The following SDC2 variants were observed in gnomAD, a reference collection of about 807,000 sequenced individuals.
SDC2 encodes syndecan 2, also known as syndecan-2.
SDC2 carries 13 observed loss-of-function variants against 22.2 expected under a neutral mutation model. That is an observed-to-expected ratio of 0.59 (90% CI 0.38 to 0.93). SDC2 has a LOEUF of 0.93. Ranked by LOEUF, SDC2 falls within the 40% of genes least tolerant of loss-of-function variation. SDC2 has a pLI of 0.00. For missense variants in SDC2, 235 were observed against 246.8 expected, an observed-to-expected ratio of 0.95 and a Z score of 0.32; for synonymous variants, 94 against 92.8, an observed-to-expected ratio of 1.01 and a Z score of -0.07.
intron 4 of SDC2, among the ~76,000 whole-genome samples, 181 bp downstream of exon 4, chr8:96,608,651 C>T (rs567469819): frequency 6.6e-6 from 1 of 152,350 alleles, no homozygotes; most frequent in South Asian, 2.1e-4. Context: ...TGTCTGCCAG[C>T]TCCCTCAACC....
intron 1 of SDC2, among the ~76,000 whole-genome samples, chr8:96,528,577 AC>A (rs1350033847): frequency 1.3e-5 from 2 of 152,208 alleles, no homozygotes; most frequent in African/African-American, 4.8e-5. Flanking sequence ...GGGGAAACTT[AC>A]TATTTAAAGA....
At chr8:96,607,549 G>A (rs1446372623) in intron 3 of SDC2, among the ~76,000 whole-genome samples, 2 of 151,328 alleles carry the variant, frequency 1.3e-5, no homozygotes, top group Non-Finnish European at 3.0e-5. Context: ...TAGACTTGAC[G>A]AGTAGAGTTA....
Position 96,609,874 on chromosome 8 carries a change from T to G in SDC2, c.*326T>G, listed in dbSNP as rs1815147543. 1 of 174,338 alleles carries G rather than the reference T, an allele frequency of 5.7e-6. No individual in the cohort carries two copies. The highest frequency in any genetic ancestry group is 2.4e-5 in the African/African-American group (1 of 42,354). 10.8% of individuals were successfully genotyped at this position (174,338 alleles called of 1,614,324 possible). A position where few individuals can be genotyped will look rare whatever the true frequency, so the allele number is the denominator to read the frequency against. ...CTATGACTCAAAGATGAAAGCTGTT[T>G]CATTTGTGTCAGCATGTCTCAGATT... is the stretch of plus-strand genomic sequence containing the variant. On this transcript the variant is annotated 3_prime_UTR_variant, in exon 5 of 5. Coordinates refer to ENST00000302190, the MANE Select transcript of SDC2 (RefSeq NM_002998.4).
At chr8:96,496,061 A>C (rs1330572362) in intron 1 of SDC2, among the ~76,000 whole-genome samples, 1 of 152,182 alleles carries the variant, frequency 6.6e-6, no homozygotes, top group Non-Finnish European at 1.5e-5. Context: ...TCATCTAATA[A>C]ATTTCAAGAG....
In SDC2 at chr8:96,505,175, C is replaced by G. The variant is rs182616916; in HGVS notation, c.60+10844C>G. ...GTATTTCCCCTGTCACCCATATTTC[C>G]TGAATAATACTTAGCTAAAACTTGC... On this transcript the variant is annotated intron_variant, in intron 1 of 4. Transcript: ENST00000302190. Among the ~76,000 whole-genome samples, 11 of 152,242 alleles carry G rather than the reference C, an allele frequency of 7.2e-5. 1 individual carries two copies. Among genetic ancestry groups the G allele is most frequent in the Admixed American group, 7.2e-4 (11 of 15,286 alleles).
intron 1 of SDC2, among the ~76,000 whole-genome samples, chr8:96,517,059 C>T (rs1813412430): frequency 1.3e-5 from 2 of 152,188 alleles, no homozygotes; most frequent in East Asian, 3.8e-4. Context: ...ACATTCCCAC[C>T]AGCAGTGCAC....
intron 1 of SDC2, among the ~76,000 whole-genome samples, chr8:96,534,403 G>C (rs1408992472): frequency 6.6e-6 from 1 of 152,200 alleles, no homozygotes; most frequent in Non-Finnish European, 1.5e-5. Flanking sequence ...TCTTGTGGTG[G>C]CACATTTGAG....
chr8:96,573,427 C>A (rs1262536300), intron 1 of SDC2, among the ~76,000 whole-genome samples: 2 of 63,224 alleles, frequency 3.2e-5, no homozygotes, highest in Non-Finnish European at 7.6e-5. Context: ...GGCTCAGGTT[C>A]CACCGTTGCA....
At chr8:96,551,567 C>T (rs2130538704) in intron 1 of SDC2, among the ~76,000 whole-genome samples, 1 of 152,288 alleles carries the variant, frequency 6.6e-6, no homozygotes, top group Middle Eastern at 3.4e-3. Flanking sequence ...TCCAGTGGAA[C>T]CTGGAATAAC....
chr8:96,516,975 C>T (rs951362055), intron 1 of SDC2, among the ~76,000 whole-genome samples: 6 of 152,096 alleles, frequency 3.9e-5, no homozygotes, highest in Non-Finnish European at 8.8e-5. Flanking sequence ...AGTGGAATTT[C>T]TGGGTGATAT....
intron 1 of SDC2, among the ~76,000 whole-genome samples, chr8:96,501,761 T>C (rs1006014984): frequency 6.6e-6 from 1 of 152,176 alleles, no homozygotes; most frequent in African/African-American, 2.4e-5. Context: ...ATCTCTAAAA[T>C]GATGGAGTTG....
intron 1 of SDC2, among the ~76,000 whole-genome samples, chr8:96,581,186 G>C (rs1377780498): frequency 5.3e-5 from 8 of 152,132 alleles, no homozygotes; most frequent in Admixed American, 1.3e-4. Flanking sequence ...TCATTCGGGG[G>C]CAAAAAATAA....
At chr8:96,500,306 C>T (rs57487381) in intron 1 of SDC2, among the ~76,000 whole-genome samples, 3,744 of 151,998 alleles carry the variant, frequency 0.025, 138 homozygotes, top group African/African-American at 0.085. Flanking sequence ...AATGAGGTGG[C>T]AGGGGTAGTG....
At chr8:96,532,205 C>T (rs73273548) in intron 1 of SDC2, among the ~76,000 whole-genome samples, 2 of 152,026 alleles carry the variant, frequency 1.3e-5, no homozygotes, top group Non-Finnish European at 2.9e-5. Flanking sequence ...GAATGTGGGC[C>T]GTTTTCATCA....
chr8:96,553,559 A>G (rs1221981492), intron 1 of SDC2, among the ~76,000 whole-genome samples: 2 of 152,118 alleles, frequency 1.3e-5, no homozygotes, highest in East Asian at 3.9e-4. Flanking sequence ...CTAAACTTAT[A>G]CCAACACTAG....
chr8:96,555,800 T>C (rs138652769), intron 1 of SDC2, among the ~76,000 whole-genome samples: 21 of 152,304 alleles, frequency 1.4e-4, no homozygotes, highest in African/African-American at 4.8e-4. Flanking sequence ...AATCCCTTTA[T>C]TGACCCTGGG....
chr8:96,531,484 A>G (rs964092788), intron 1 of SDC2, among the ~76,000 whole-genome samples: 1 of 152,258 alleles, frequency 6.6e-6, no homozygotes, highest in Non-Finnish European at 1.5e-5. Flanking sequence ...ACGATGCTAA[A>G]AATAGTCTAA....
At chr8:96,546,149 T>C (rs948771944) in intron 1 of SDC2, among the ~76,000 whole-genome samples, 2 of 152,204 alleles carry the variant, frequency 1.3e-5, no homozygotes, top group Non-Finnish European at 2.9e-5. Flanking sequence ...TCCACCCCTC[T>C]AAAGACCTGA....
intron 1 of SDC2, among the ~76,000 whole-genome samples, chr8:96,574,363 T>G (rs545574866): frequency 6.6e-6 from 1 of 152,304 alleles, no homozygotes; most frequent in African/African-American, 2.4e-5. Context: ...ATCTGCTTTA[T>G]CAGCAGCAAA....
Sources: gnomAD v4.1 joint callset for allele counts (sites outside exome capture counted in the v4.1 genomes callset) on GRCh38, gnomAD v4.1.1 for gene constraint, MANE v1.5 for transcripts, NCBI Gene and HGNC (gene_info 2026-07-23, HGNC 2026-07-21) for gene names.